MAEA: variants seen among roughly 807,000 people sequenced by gnomAD.
The protein encoded by MAEA is macrophage erythroblast attacher, E3 ubiquitin ligase.
A neutral mutation model predicts 46.2 loss-of-function variants in MAEA; 22 were observed. The ratio of observed to expected loss-of-function variants is 0.48; its 90% CI spans 0.34 to 0.68. The LOEUF is 0.68. Among genes scored for constraint, MAEA ranks in the 30% least tolerant of loss-of-function variants. The pLI is 0.01. For missense variants in MAEA, 393 were observed against 558.1 expected (o/e 0.70, Z 2.98); for synonymous variants, 246 against 222.6 (o/e 1.11, Z -0.94).
At chr4:1,303,399 C>CAAAAAA (rs575075038) in intron 1 of MAEA, among the ~76,000 whole-genome samples, 77,853 of 116,436 alleles carry the variant, frequency 0.67, 28,544 homozygotes, top group South Asian at 0.8. Flanking sequence ...GACTCTGTCT[C>CAAAAAA]AAAAAAAAAA....
chr4:1,290,584 C>G (rs1469060240), intron 1 of MAEA, among the ~76,000 whole-genome samples: 1 of 152,218 alleles, frequency 6.6e-6, no homozygotes, highest in Non-Finnish European at 1.5e-5. Flanking sequence ...TAGAAGGAGC[C>G]GATACTTGTT....
At chr4:1,310,384 A>G (rs1379658431) in intron 1 of MAEA, among the ~76,000 whole-genome samples, 1 of 152,220 alleles carries the variant, frequency 6.6e-6, no homozygotes, top group Non-Finnish European at 1.5e-5. Flanking sequence ...AGCAGTGCCG[A>G]ATCCTTGGGA....
rs78729618 is a variant in MAEA, at chr4:1,316,759, C to G, written c.456+1159C>G. On this transcript the variant is annotated intron_variant, in intron 3 of 8. Coordinates refer to ENST00000303400, the MANE Select transcript of MAEA (RefSeq NM_001017405.3). ...CCCAGCACAAGGCTCCCTTCCCAGC[C>G]TTGGAGGCGGCCTCACATTGTGCAG... Among the ~76,000 whole-genome samples the G allele has an allele frequency of 7.1e-3, 1,083 of 152,254 alleles. 8 individuals carry two copies. Among genetic ancestry groups the G allele is most frequent in the Non-Finnish European group, 0.01 (702 of 67,982 alleles).
intron 2 of MAEA, 147 bp downstream of exon 2, chr4:1,312,308 GC>G: frequency 1.2e-6 from 1 of 821,264 alleles, no homozygotes. Flanking sequence ...GCCTTCTGGG[GC>G]CACTGTCGGC....
chr4:1,309,577 G>A (rs1483362391), intron 1 of MAEA: 3 of 1,490,356 alleles, frequency 2.0e-6, no homozygotes, highest in Non-Finnish European at 2.7e-6. Flanking sequence ...AGCGCTGGAG[G>A]AGGAGCAGAG....
intron 1 of MAEA, among the ~76,000 whole-genome samples, chr4:1,305,724 T>C (rs1339158139): frequency 2.0e-5 from 3 of 152,036 alleles, no homozygotes; most frequent in Admixed American, 6.5e-5. Flanking sequence ...CATGTGTGTG[T>C]GCGCACGCGT....
At position 1,329,215 on chromosome 4, in the gene MAEA, T is replaced by C. The variant is rs1202375536; in HGVS notation, c.656+1512T>C. 1.1e-5 allele frequency: 11 copies of C among 985,518 alleles called. No homozygotes were observed. In the African/African-American group the frequency reaches 1.7e-4, roughly 16 times the overall value. The allele number at this position is 985,518 out of a possible 1,614,324, so 61.0% of individuals were successfully genotyped here. Reference sequence around the variant, plus strand: ...GTTGACCTGTTACCCCCACTCCGCATAGGGTCTATTTGCCTGTGTTACCCT... The same window carrying C: ...GTTGACCTGTTACCCCCACTCCGCACAGGGTCTATTTGCCTGTGTTACCCT... On this transcript the variant is annotated intron_variant, in intron 5 of 8. Coordinates refer to ENST00000303400, the MANE Select transcript of MAEA (RefSeq NM_001017405.3).
chr4:1,293,881 G>A (rs1734359104), intron 1 of MAEA, among the ~76,000 whole-genome samples: 1 of 152,250 alleles, frequency 6.6e-6, no homozygotes, highest in South Asian at 2.1e-4. Context: ...GAGTTCGGGT[G>A]CCAGCTGTGT....
At chr4:1,314,213 G>A (rs1736856460) in intron 2 of MAEA, among the ~76,000 whole-genome samples, 1 of 152,032 alleles carries the variant, frequency 6.6e-6, no homozygotes, top group South Asian at 2.1e-4. Context: ...TGTGGTCCCA[G>A]CTACTCGGGA....
intron 1 of MAEA, among the ~76,000 whole-genome samples, chr4:1,296,867 C>T (rs180918686): frequency 3.9e-5 from 6 of 152,266 alleles, no homozygotes; most frequent in African/African-American, 7.2e-5. Flanking sequence ...CCCCACCCCT[C>T]GCTGCATGTC....
chr4:1,316,566 C>T (rs949848127), intron 3 of MAEA, among the ~76,000 whole-genome samples: 14 of 152,196 alleles, frequency 9.2e-5, no homozygotes, highest in African/African-American at 3.4e-4. Flanking sequence ...ATGCGCCTGG[C>T]CCCACAGGCC....
At position 1,311,398 on chromosome 4, in the gene MAEA, G is replaced by C. The variant is rs1242600997; in HGVS notation, c.70-581G>C. Among the ~76,000 whole-genome samples, 1 of 152,240 alleles carries C rather than the reference G, an allele frequency of 6.6e-6. No individual in the cohort carries two copies. Among genetic ancestry groups the C allele is most frequent in the Non-Finnish European group, 1.5e-5 (1 of 68,038 alleles). Reference sequence around the variant, plus strand: ...ACGACTTTAAGATTCTCCTTGATTGGCTTATTTCCACAGGGAATGGATGGT... The same window carrying C: ...ACGACTTTAAGATTCTCCTTGATTGCCTTATTTCCACAGGGAATGGATGGT... On this transcript the variant is annotated intron_variant, in intron 1 of 8. Coordinates refer to ENST00000303400, the MANE Select transcript of MAEA (RefSeq NM_001017405.3). The surrounding 1 kb of genome is among the most constrained non-coding windows in gnomAD (Gnocchi z 4.4).
intron 3 of MAEA, among the ~76,000 whole-genome samples, chr4:1,321,611 C>T (rs1009539271): frequency 6.6e-6 from 1 of 152,204 alleles, no homozygotes; most frequent in Non-Finnish European, 1.5e-5. Flanking sequence ...GTGGCCTCAT[C>T]CTGGGCCGTT....
At chr4:1,329,625 A>C (rs1260583440) in intron 5 of MAEA, 33 of 985,330 alleles carry the variant, frequency 3.3e-5, no homozygotes, top group Non-Finnish European at 3.9e-5. Flanking sequence ...TCCAGGTGCC[A>C]GGGCCTGGTC....
rs761960635 is a variant in MAEA at position 1,312,098 on chromosome 4, C to G, written c.189C>G (p.Ala63=). 1 of 1,613,850 alleles carries G rather than the reference C, an allele frequency of 6.2e-7. No individual in the cohort carries two copies. The highest frequency in any genetic ancestry group is 2.2e-5 in the East Asian group (1 of 44,892). The part of the protein sequence containing the change: ...ELEKTLSGCP[A]VDSVVSLLDG... ...AGAAGACGTTGAGCGGCTGCCCCGC[C>G]GTGGACTCCGTGGTCAGCCTGCTGG... The change falls in exon 2 of 9, where the codon GCC becomes GCG. Residue 63 remains alanine (A), a synonymous_variant. Coordinates refer to ENST00000303400, the MANE Select transcript of MAEA (RefSeq NM_001017405.3).
At chr4:1,297,592 C>T (rs1199929195) in intron 1 of MAEA, among the ~76,000 whole-genome samples, 1 of 152,164 alleles carries the variant, frequency 6.6e-6, no homozygotes, top group East Asian at 1.9e-4. Context: ...CTTTGCAGCA[C>T]TCGTCACAGT....
chr4:1,306,734 G>A (rs1186112957), intron 1 of MAEA, among the ~76,000 whole-genome samples: 1 of 152,182 alleles, frequency 6.6e-6, no homozygotes, highest in Admixed American at 6.5e-5. Flanking sequence ...TTTACAGTTG[G>A]TACATTTTGT....
intron 1 of MAEA, among the ~76,000 whole-genome samples, chr4:1,297,717 C>T (rs1216931977): frequency 3.3e-5 from 5 of 152,208 alleles, no homozygotes; most frequent in Admixed American, 3.3e-4. Context: ...CCACGAGTGC[C>T]TGGCACAGGA....
intron 1 of MAEA, among the ~76,000 whole-genome samples, chr4:1,292,886 CTT>C (rs34802084): frequency 0.089 from 11,413 of 128,242 alleles, 855 homozygotes; most frequent in East Asian, 0.4. Context: ...AACTCACCAT[CTT>C]TTTTTTTTTT....
Sources: gnomAD v4.1 joint callset for allele counts (sites outside exome capture counted in the v4.1 genomes callset) on GRCh38, gnomAD v4.1.1 for gene constraint, Gnocchi (gnomAD v3.1) non-coding constraint, MANE v1.5 for transcripts, NCBI Gene and HGNC (gene_info 2026-07-23, HGNC 2026-07-21) for gene names.